MYO1E: variants seen among roughly 807,000 people sequenced by gnomAD.
MYO1E encodes myosin IE.
A neutral mutation model predicts 151.1 loss-of-function variants in MYO1E; 68 were observed. That is an observed-to-expected ratio of 0.45 (90% CI 0.37 to 0.55). The LOEUF is 0.55. Among genes scored for constraint, MYO1E ranks in the 20% least tolerant of loss-of-function variants. The probability of loss-of-function intolerance (pLI) is 0.00; values close to 1 mark genes in which losing one functional copy is unlikely to be tolerated. For missense variants in MYO1E, 1,363 were observed against 1,389.3 expected (o/e 0.98, Z 0.30); for synonymous variants, 601 against 501.7 (o/e 1.20, Z -2.64).
intron 26 of MYO1E, among the ~76,000 whole-genome samples, chr15:59,139,034 G>A (rs1045873812): frequency 1.3e-5 from 2 of 151,980 alleles, no homozygotes; most frequent in Non-Finnish European, 2.9e-5. Context: ...CTTCTCCAGG[G>A]CACTGTGGAT....
At chr15:59,148,723 C>T (rs144430905) in intron 26 of MYO1E, among the ~76,000 whole-genome samples, 2 of 152,300 alleles carry the variant, frequency 1.3e-5, no homozygotes, top group African/African-American at 4.8e-5. Flanking sequence ...ACAAGAGACA[C>T]ACAGGCAGCA....
chr15:59,231,577 G>T, intron 6 of MYO1E, 125 bp downstream of exon 6: 1 of 1,034,234 alleles, frequency 9.7e-7, no homozygotes, highest in Non-Finnish European at 1.5e-6. Flanking sequence ...ATGAAGGAAA[G>T]ATCGAAGAGG....
chr15:59,210,879 C>T (rs1224150732), intron 12 of MYO1E, among the ~76,000 whole-genome samples: 1 of 149,354 alleles, frequency 6.7e-6, no homozygotes, highest in East Asian at 1.9e-4. Context: ...CTGATAAATC[C>T]AGTTACAAAA....
At chr15:59,283,698 C>T (rs1026412278) in intron 1 of MYO1E, among the ~76,000 whole-genome samples, 4 of 152,222 alleles carry the variant, frequency 2.6e-5, no homozygotes, top group Admixed American at 2.6e-4. Context: ...CTTCACGAGG[C>T]AGGAAACTGA....
intron 16 of MYO1E, among the ~76,000 whole-genome samples, chr15:59,201,354 A>T (rs11632420): frequency 0.44 from 66,489 of 151,126 alleles, 18,262 homozygotes; most frequent in Non-Finnish European, 0.63. Context: ...TCGGCCTCCA[A>T]AAGTGTTGGG....
intron 1 of MYO1E, among the ~76,000 whole-genome samples, chr15:59,332,977 G>A (rs771448554): frequency 8.1e-4 from 124 of 152,148 alleles, no homozygotes; most frequent in Non-Finnish European, 5.3e-4. Context: ...CTTAAAAAAG[G>A]AGTGAGGAAT....
intron 1 of MYO1E, among the ~76,000 whole-genome samples, chr15:59,361,197 C>T (rs2080883588): frequency 6.6e-6 from 1 of 152,190 alleles, no homozygotes; most frequent in African/African-American, 2.4e-5. Flanking sequence ...CCATTCCCAG[C>T]CAAGCCACTA....
intron 1 of MYO1E, among the ~76,000 whole-genome samples, chr15:59,366,117 T>C: frequency 6.6e-6 from 1 of 151,562 alleles, no homozygotes; most frequent in Non-Finnish European, 1.5e-5. Context: ...GTAGCTGCGA[T>C]TACAGGCATG....
chr15:59,186,649 C>G (rs1220276135), intron 18 of MYO1E, among the ~76,000 whole-genome samples: 1 of 152,090 alleles, frequency 6.6e-6, no homozygotes, highest in East Asian at 1.9e-4. Flanking sequence ...TACTTGCAGA[C>G]TGAGGTGGGA....
At position 59,246,245 on chromosome 15, in the gene MYO1E, G is replaced by A. The variant is rs8039836; in HGVS notation, c.333-9573C>T. On this transcript the variant is annotated intron_variant, in intron 4 of 27. Transcript: ENST00000288235. ...TGATTCTCCTGCCTCAGCTTTCCAA[G>A]TAGCTGGGATTACAGGTGCCTGCCA... 4.4e-3 allele frequency among the ~76,000 whole-genome samples: 673 copies of A among 152,226 alleles called. 9 individuals carry two copies. Among genetic ancestry groups the A allele is most frequent in the African/African-American group, 0.016 (644 of 41,526 alleles).
chr15:59,236,740 C>A (rs575704718), intron 4 of MYO1E, 68 bp from the exon 5 acceptor site: 2 of 1,342,636 alleles, frequency 1.5e-6, no homozygotes, highest in African/African-American at 1.4e-5. Context: ...CTTGTCTCCC[C>A]CATCACACAA....
chr15:59,229,411 G>C (rs2080012135), intron 6 of MYO1E, among the ~76,000 whole-genome samples: 1 of 152,190 alleles, frequency 6.6e-6, no homozygotes, highest in African/African-American at 2.4e-5. Flanking sequence ...ATAATAAAAT[G>C]CATATGCATG....
At chr15:59,305,763 C>G (rs1232533496) in intron 1 of MYO1E, among the ~76,000 whole-genome samples, 1 of 152,104 alleles carries the variant, frequency 6.6e-6, no homozygotes, top group Non-Finnish European at 1.5e-5. Flanking sequence ...CACAGTTACC[C>G]AGAATAAAAA....
At chr15:59,316,816 T>C (rs367960401) in intron 1 of MYO1E, among the ~76,000 whole-genome samples, 1 of 152,330 alleles carries the variant, frequency 6.6e-6, no homozygotes, top group Non-Finnish European at 1.5e-5. Flanking sequence ...GTAAGGAAGA[T>C]ATCATACAAA....
chr15:59,265,766 G>A (rs2080249229), intron 2 of MYO1E, among the ~76,000 whole-genome samples: 3 of 147,602 alleles, frequency 2.0e-5, no homozygotes, highest in Admixed American at 1.4e-4. Flanking sequence ...GACCAGCCTG[G>A]GCAATATACT....
intron 9 of MYO1E, among the ~76,000 whole-genome samples, chr15:59,222,660 G>C (rs1300724632): frequency 1.3e-5 from 2 of 152,154 alleles, no homozygotes; most frequent in African/African-American, 4.8e-5. Context: ...AAACCTGTAA[G>C]TGAATTTAGA....
chr15:59,133,339 T>G lies in MYO1E; in HGVS notation c.*4041A>C, dbSNP rs2079354993. ...GTAAGGCATGATCGCACCACTGTTCTCTAGTCTGGGTGACAAAGTGAGGTG... is the reference window on the plus strand; with the variant it reads ...GTAAGGCATGATCGCACCACTGTTCGCTAGTCTGGGTGACAAAGTGAGGTG... On this transcript the variant is annotated 3_prime_UTR_variant, in exon 28 of 28. Coordinates refer to ENST00000288235, the MANE Select transcript of MYO1E (RefSeq NM_004998.4). The G allele has an allele frequency of 6.6e-6, 1 of 152,060 alleles. No individual in the cohort carries two copies. Among genetic ancestry groups the G allele is most frequent in the Non-Finnish European group, 1.5e-5 (1 of 68,024 alleles). The allele number at this position is 152,060 out of a possible 1,614,324, so 9.4% of individuals were successfully genotyped here.
chr15:59,297,816 G>A (rs972984995), intron 1 of MYO1E, among the ~76,000 whole-genome samples: 21 of 151,912 alleles, frequency 1.4e-4, no homozygotes, highest in Non-Finnish European at 2.8e-4. Context: ...TCCTAAGCTC[G>A]AGTGATCCTC....
At chr15:59,181,944 A>G (rs2079663735) in intron 18 of MYO1E, among the ~76,000 whole-genome samples, 1 of 152,180 alleles carries the variant, frequency 6.6e-6, no homozygotes, top group Admixed American at 6.5e-5. Context: ...AGATGGTTCA[A>G]TTACTTGTAG....
Sources: gnomAD v4.1 joint callset for allele counts (sites outside exome capture counted in the v4.1 genomes callset) on GRCh38, gnomAD v4.1.1 for gene constraint, MANE v1.5 for transcripts, NCBI Gene and HGNC (gene_info 2026-07-23, HGNC 2026-07-21) for gene names.